The following MTOR variants were observed in gnomAD, a reference collection of about 807,000 sequenced individuals.
The protein encoded by MTOR is serine/threonine-protein kinase mTOR.
MTOR carries 70 observed loss-of-function variants against 319.8 expected under a neutral mutation model. The observed-to-expected ratio is 0.22, with a 90% confidence interval of 0.18 to 0.27. The LOEUF (loss-of-function observed/expected upper bound fraction) is 0.27. MTOR is among the 10% of genes least tolerant of loss of function. The pLI is 1.00. For synonymous variants in MTOR, 1,183 were observed against 1,211.4 expected, an observed-to-expected ratio of 0.98 and a Z score of 0.49; for missense variants, 1,890 against 3,274.4, an observed-to-expected ratio of 0.58 and a Z score of 10.32.
At chr1:11,192,339 C>T (rs1645572979) in intron 28 of MTOR, 1 of 1,613,924 alleles carries the variant, frequency 6.2e-7, no homozygotes, top group Admixed American at 1.7e-5. Context: ...AAGCTTCCTC[C>T]TGATGACTTC....
intron 28 of MTOR, among the ~76,000 whole-genome samples, chr1:11,186,219 T>G (rs1645318331): frequency 6.6e-6 from 1 of 152,130 alleles, no homozygotes; most frequent in Admixed American, 6.5e-5. Flanking sequence ...CAAGGCAGCT[T>G]CTTCTGAGAT....
At chr1:11,186,082 C>CAAAAAAAAAAAAA in intron 28 of MTOR, among the ~76,000 whole-genome samples, 1 of 43,010 alleles carries the variant, frequency 2.3e-5, no homozygotes, top group Non-Finnish European at 4.8e-5. Flanking sequence ...GACTCCGTCT[C>CAAAAAAAAAAAAA]AAAAAAAAAA....
chr1:11,150,244 T>A lies in MTOR; in HGVS notation c.4470-18A>T. ...GTTGACCCCTGAAGAAAATGAATTA[T>A]ATAGTCAGATTAATCCAAATCTCCT... is the stretch of plus-strand genomic sequence containing the variant. On this transcript the variant is annotated intron_variant, in intron 30 of 57. Transcript: ENST00000361445. 6.2e-7 allele frequency: 1 copy of A among 1,601,964 alleles called. No homozygotes were observed. Among genetic ancestry groups the A allele is most frequent in the Non-Finnish European group, 8.5e-7 (1 of 1,171,472 alleles).
At chr1:11,175,068 A>G (rs1371731408) in intron 28 of MTOR, among the ~76,000 whole-genome samples, 1 of 152,230 alleles carries the variant, frequency 6.6e-6, no homozygotes, top group Non-Finnish European at 1.5e-5. Flanking sequence ...ACTGAGTCCC[A>G]AGAATTTTCT....
rs1447920399 is a variant in MTOR at position 11,128,277 on chromosome 1, G to T, written c.5911-151C>A. 3 of 1,337,620 alleles carry T rather than the reference G, an allele frequency of 2.2e-6. No individual in the cohort carries two copies. The highest frequency in any genetic ancestry group is 4.7e-5 in the East Asian group (2 of 42,224). 82.9% of individuals were successfully genotyped at this position (1,337,620 alleles called of 1,614,324 possible). On this transcript the variant is annotated intron_variant, in intron 42 of 57. Coordinates refer to ENST00000361445, the MANE Select transcript of MTOR (RefSeq NM_004958.4). The surrounding 1 kb of genome is among the most constrained non-coding windows in gnomAD (Gnocchi z 5.3). ...GAAGGGGCTCAGTCTTCGAGGGAAC[G>T]CTTTCTTTTTAGCAAGGCTCCCGGG...
chr1:11,257,493 G>A (rs1364291485), intron 3 of MTOR, among the ~76,000 whole-genome samples: 2 of 147,948 alleles, frequency 1.4e-5, no homozygotes, highest in Non-Finnish European at 3.0e-5. Flanking sequence ...GACCTGGGAG[G>A]CAGAGGTTGC....
intron 28 of MTOR, among the ~76,000 whole-genome samples, chr1:11,192,895 CCTT>C (rs1645605151): frequency 6.6e-6 from 1 of 152,146 alleles, no homozygotes; most frequent in African/African-American, 2.4e-5. Flanking sequence ...AAACAACAAG[CCTT>C]CTAACATAGA....
At chr1:11,113,022 T>A in intron 53 of MTOR, 105 bp from the exon 54 acceptor site, 4 of 1,220,780 alleles carry the variant, frequency 3.3e-6, no homozygotes, top group Admixed American at 2.1e-5. Context: ...CGTAAAGCTA[T>A]AGCCCCAAAA....
rs950886223 is a variant in MTOR at position 11,114,746 on chromosome 1, G to T, written c.7164+67C>A. On this transcript the variant is annotated intron_variant, in intron 52 of 57. Transcript: ENST00000361445. ...GGAGAACTGATGGGCTCTAACAAGC[G>T]TGTTCTCAGAAGGCTGTAACTGTCC... The T allele has an allele frequency of 1.9e-4, 275 of 1,468,240 alleles. 1 individual carries two copies. Among genetic ancestry groups the T allele is most frequent in the South Asian group, 7.3e-4 (63 of 86,510 alleles). 91.0% of individuals were successfully genotyped at this position (1,468,240 alleles called of 1,614,324 possible).
chr1:11,117,224 T>C (rs1239574127), intron 49 of MTOR, 138 bp from the exon 50 acceptor site: 1 of 673,762 alleles, frequency 1.5e-6, no homozygotes, highest in South Asian at 2.1e-5. Context: ...GCAGTGGTGC[T>C]ATCTTGGCTC....
intron 20 of MTOR, among the ~76,000 whole-genome samples, chr1:11,215,375 T>C (rs1393261068): frequency 2.0e-5 from 3 of 152,252 alleles, no homozygotes; most frequent in Admixed American, 6.5e-5. Context: ...TTTTCAGTTC[T>C]GAGATCCAGG....
chr1:11,243,586 G>A (rs1002591099), intron 8 of MTOR, among the ~76,000 whole-genome samples: 2 of 151,522 alleles, frequency 1.3e-5, no homozygotes, highest in Non-Finnish European at 2.9e-5. Context: ...TACTCGGGAG[G>A]CTGAGGCAGG....
chr1:11,128,749 G>A lies in MTOR; in HGVS notation c.5811+106C>T. 1 of 1,094,734 alleles carries A rather than the reference G, an allele frequency of 9.1e-7. No individual in the cohort carries two copies. The allele number at this position is 1,094,734 out of a possible 1,614,324, so 67.8% of individuals were successfully genotyped here. ...GACCGAGCCCTACTTCCTTAGCACT[G>A]TATTAACACACACTGCCTTGTGACA... On this transcript the variant is annotated intron_variant, in intron 41 of 57. Transcript: ENST00000361445. This position sits in a 1 kb window ranked among gnomAD's most constrained non-coding sequence, Gnocchi z 5.3.
At chr1:11,145,867 C>A (rs1643912589) in intron 32 of MTOR, among the ~76,000 whole-genome samples, 2 of 152,186 alleles carry the variant, frequency 1.3e-5, no homozygotes, top group Admixed American at 6.5e-5. Flanking sequence ...ATTCTGCACA[C>A]ACTTCAATGG....
chr1:11,207,939 T>C (rs948476321), intron 25 of MTOR, among the ~76,000 whole-genome samples: 2 of 152,200 alleles, frequency 1.3e-5, no homozygotes, highest in Non-Finnish European at 2.9e-5. Flanking sequence ...TGCTTATTTT[T>C]TCCAAGTCTG....
rs1643885921 is a variant in MTOR, at chr1:11,144,977, C to T, written c.4755G>A (p.Arg1585=). ...AATAGTTGACACTTACCCCATATGCCCGACTGTAACTCTCTCCTGCCATCG... is the reference window on the plus strand; with the variant it reads ...AATAGTTGACACTTACCCCATATGCTCGACTGTAACTCTCTCCTGCCATCG... The part of the protein sequence containing the change: ...LTAMAGESYS[R]AYGAMVSCHM... Residue 1585 remains arginine, a synonymous_variant, in exon 33 of 58, where the codon CGG becomes CGA. Transcript: ENST00000361445. 3.7e-6 allele frequency: 6 copies of T among 1,614,038 alleles called. No individual in the cohort carries two copies. The East Asian group carries it at 1.3e-4, about 36-fold the overall frequency.
intron 28 of MTOR, among the ~76,000 whole-genome samples, chr1:11,183,247 G>A (rs1482328708): frequency 6.6e-6 from 1 of 152,040 alleles, no homozygotes; most frequent in Non-Finnish European, 1.5e-5. Context: ...GTATTTATAA[G>A]CCTTTTGGAT....
intron 25 of MTOR, among the ~76,000 whole-genome samples, chr1:11,207,409 CTTTTTTTTT>C (rs386366225): frequency 5.3e-5 from 6 of 114,174 alleles, no homozygotes; most frequent in African/African-American, 1.6e-4. Flanking sequence ...CCCCCTACCT[CTTTTTTTTT>C]TTTTTTTTTG....
chr1:11,202,881 C>T (rs908934020), intron 26 of MTOR, among the ~76,000 whole-genome samples: 2 of 151,738 alleles, frequency 1.3e-5, no homozygotes, highest in Non-Finnish European at 2.9e-5. Flanking sequence ...GCACTCCAGC[C>T]CGGGCAGCAG....
Sources: allele counts gnomAD v4.1 joint callset (sites outside exome capture counted in the v4.1 genomes callset), GRCh38; gene constraint gnomAD v4.1.1; non-coding constraint Gnocchi (gnomAD v3.1); transcripts MANE v1.5; gene names NCBI Gene and HGNC (gene_info 2026-07-23, HGNC 2026-07-21).